UTY: variants seen among roughly 807,000 people sequenced by gnomAD.
UTY encodes the protein histone demethylase UTY.
In UTY, 12 loss-of-function variants were observed where a neutral mutation model predicts 32.5. The ratio of observed to expected loss-of-function variants is 0.37; its 90% CI spans 0.24 to 0.60. UTY has a LOEUF of 0.60. Among genes scored for constraint, UTY ranks in the 20% least tolerant of loss-of-function variants. The pLI, the probability that UTY is intolerant of heterozygous loss-of-function variation, is 0.69. For missense variants in UTY, 303 were observed against 299.2 expected, an observed-to-expected ratio of 1.01 and a Z score of -0.09; for synonymous variants, 131 against 103.4, an observed-to-expected ratio of 1.27 and a Z score of -1.62.
At chrY:13,357,524 G>T (rs2063059204) in intron 15 of UTY, among the ~76,000 whole-genome samples, 1 of 30,433 alleles carries the variant, frequency 3.3e-5, no homozygotes, top group Non-Finnish European at 7.9e-5. Flanking sequence ...CAACCTTCCA[G>T]CCTGGGCAAC....
At chrY:13,389,387 GCCA>G (rs2067272000) in intron 8 of UTY, among the ~76,000 whole-genome samples, 1 of 33,083 alleles carries the variant, frequency 3.0e-5, no homozygotes, top group Non-Finnish European at 7.4e-5. Flanking sequence ...TGTCTTTAGT[GCCA>G]CATCCAGAAA....
intron 21 of UTY, 76 bp from the exon 22 acceptor site, chrY:13,306,326 A>C: frequency 4.6e-6 from 1 of 215,084 alleles, no homozygotes; most frequent in Non-Finnish European, 7.7e-6. Flanking sequence ...AATTATACTC[A>C]TCTACATGAG....
intron 21 of UTY, among the ~76,000 whole-genome samples, chrY:13,315,477 G>A (rs2059433421): frequency 3.0e-5 from 1 of 33,255 alleles, no homozygotes; most frequent in Non-Finnish European, 7.4e-5. Context: ...GTGTGGTGGC[G>A]CATGCCTGTA....
downstream of UTY, among the ~76,000 whole-genome samples, chrY:13,243,609 AT>A (rs2148324706): frequency 3.0e-5 from 1 of 33,646 alleles, no homozygotes; most frequent in Admixed American, 2.7e-4. Context: ...CATACAACTC[AT>A]TTATAAAAAC....
chrY:13,354,760 G>T, intron 17 of UTY: 1 of 243,016 alleles, frequency 4.1e-6, no homozygotes, highest in Non-Finnish European at 6.4e-6. Context: ...CTAAATTAGT[G>T]TGATTGGCTT....
At chrY:13,303,021 A>G in intron 24 of UTY, 30 bp from the exon 25 acceptor site, 1 of 264,248 alleles carries the variant, frequency 3.8e-6, no homozygotes, top group African/African-American at 7.2e-5. Flanking sequence ...GTAAGTCACA[A>G]TTGTAGCATA....
chrY:13,405,970 C>G (rs2069880892), intron 6 of UTY, among the ~76,000 whole-genome samples: 1 of 32,730 alleles, frequency 3.1e-5, no homozygotes, highest in Non-Finnish European at 7.6e-5. Context: ...AGATTCTGCC[C>G]TTAAATAAAC....
At chrY:13,382,973 G>A (rs747169480) in intron 8 of UTY, among the ~76,000 whole-genome samples, 1 of 33,621 alleles carries the variant, frequency 3.0e-5, no homozygotes, top group African/African-American at 1.2e-4. Context: ...TGCTTACAGT[G>A]GAATTTACAA....
In UTY at chrY:13,331,401, AG is replaced by A. The variant is rs2149008262; in HGVS notation, c.2834+4161del. ...AGAAAAAACAACGTCATCAATAAAAAGGACCTTCACACAAAAGCCCCACCCA... is the reference window on the plus strand; with the variant it reads ...AGAAAAAACAACGTCATCAATAAAAAGACCTTCACACAAAAGCCCCACCCA... On this transcript the variant is annotated intron_variant, in intron 18 of 29. Coordinates refer to ENST00000545955, the MANE Select transcript of UTY (RefSeq NM_001258249.2). Among the ~76,000 whole-genome samples the A allele has an allele frequency of 8.8e-5, 3 of 34,156 alleles. No homozygotes were observed. In the East Asian group the frequency reaches 2.3e-3, roughly 26 times the overall value. The allele number at this position is 34,156 out of a possible 37,273, so 91.6% of individuals were successfully genotyped here. A position where few individuals can be genotyped will look rare whatever the true frequency, so the allele number is the denominator to read the frequency against.
chrY:13,423,912 T>C, intron 4 of UTY, among the ~76,000 whole-genome samples: 1 of 33,124 alleles, frequency 3.0e-5, no homozygotes, highest in Non-Finnish European at 7.4e-5. Context: ...GGGCAGACCA[T>C]AGTTGGCATT....
chrY:13,446,146 A>C, intron 4 of UTY, among the ~76,000 whole-genome samples: 1 of 32,167 alleles, frequency 3.1e-5, no homozygotes, highest in African/African-American at 1.2e-4. Flanking sequence ...CCACAAAGAA[A>C]AAAACAACAG....
Position 13,449,075 on chromosome Y carries a change from GA to G in UTY, c.326-10del. ...CTGATATGCAGATAATGCTGGAAAA[GA>G]AAAAATAATTATTAGCCAAATCATA... On this transcript the variant is annotated splice_polypyrimidine_tract_variant and intron_variant, in intron 3 of 29. Transcript: ENST00000545955. 1 of 357,961 alleles carries G rather than the reference GA, an allele frequency of 2.8e-6. No homozygotes were observed. Among genetic ancestry groups the G allele is most frequent in the Non-Finnish European group, 3.9e-6 (1 of 257,263 alleles). 89.3% of individuals were successfully genotyped at this position (357,961 alleles called of 400,897 possible). A position where few individuals can be genotyped will look rare whatever the true frequency, so the allele number is the denominator to read the frequency against.
At chrY:13,442,661 T>A (rs936240455) in intron 4 of UTY, among the ~76,000 whole-genome samples, 7 of 34,060 alleles carry the variant, frequency 2.1e-4, no homozygotes, top group Non-Finnish European at 4.4e-4. Flanking sequence ...TTAAACATCA[T>A]TTATAAAAAT....
chrY:13,351,663 C>G, intron 17 of UTY, among the ~76,000 whole-genome samples: 2 of 33,710 alleles, frequency 5.9e-5, no homozygotes, highest in Non-Finnish European at 1.5e-4. Context: ...TTTCATGACA[C>G]TACTCAGAAT....
chrY:13,295,483 A>AT (rs2057974781), intron 27 of UTY, among the ~76,000 whole-genome samples: 1 of 33,620 alleles, frequency 3.0e-5, no homozygotes, highest in South Asian at 6.7e-4. Context: ...CTATAGCATT[A>AT]TCTCTGTGCC....
At chrY:13,269,988 C>T (rs1003903345) in intron 27 of UTY, among the ~76,000 whole-genome samples, 28 of 34,386 alleles carry the variant, frequency 8.1e-4, no homozygotes, top group Non-Finnish European at 1.8e-3. Flanking sequence ...TGTTCCTATT[C>T]GGCCATTTTG....
intron 28 of UTY, among the ~76,000 whole-genome samples, chrY:13,257,140 T>C: frequency 8.9e-5 from 3 of 33,846 alleles, no homozygotes; most frequent in Admixed American, 8.1e-4. Flanking sequence ...GTTCCCTCGT[T>C]TGGGAAGCTA....
At chrY:13,249,921 A>T in intron 29 of UTY, 39 bp from the exon 30 acceptor site, 1 of 170,369 alleles carries the variant, frequency 5.9e-6, no homozygotes, top group Non-Finnish European at 9.9e-6. Context: ...ATAAATCCTT[A>T]ATAGTGTTTG....
intron 15 of UTY, among the ~76,000 whole-genome samples, chrY:13,357,245 C>CA (rs2063023538): frequency 6.3e-5 from 2 of 31,716 alleles, no homozygotes; most frequent in African/African-American, 2.5e-4. Context: ...AAAACCAAAC[C>CA]AAAAAAAACA....
Sources: allele counts gnomAD v4.1 joint callset (sites outside exome capture counted in the v4.1 genomes callset), GRCh38; gene constraint gnomAD v4.1.1; transcripts MANE v1.5; gene names NCBI Gene and HGNC (gene_info 2026-07-23, HGNC 2026-07-21).